Variants in RSRC1 observed in about 807,000 individuals in gnomAD.
RSRC1 encodes the protein serine/Arginine-related protein 53.
RSRC1 carries 39 observed loss-of-function variants against 49.1 expected under a neutral mutation model. That is an observed-to-expected ratio of 0.79 (90% CI 0.61 to 1.04). RSRC1 has a LOEUF of 1.04. Among genes scored for constraint, RSRC1 ranks in the 50% least tolerant of loss-of-function variants. The probability of loss-of-function intolerance (pLI) is 0.00; values close to 1 mark genes in which losing one functional copy is unlikely to be tolerated. For missense variants in RSRC1, 388 were observed against 402.4 expected (o/e 0.96, Z 0.31); for synonymous variants, 143 against 130.8 (o/e 1.09, Z -0.63).
At position 158,457,045 on chromosome 3, in the gene RSRC1, C is replaced by T. The variant is rs533429800; in HGVS notation, c.584-3890C>T. On this transcript the variant is annotated intron_variant, in intron 6 of 9. Coordinates refer to ENST00000611884, the MANE Select transcript of RSRC1 (RefSeq NM_001271838.2). Reference sequence around the variant, plus strand: ...ATTTATTTATTTAACAATTATTGAACATATCTGTGTCCTAAATACTGTGCT... The same window carrying T: ...ATTTATTTATTTAACAATTATTGAATATATCTGTGTCCTAAATACTGTGCT... Among the ~76,000 whole-genome samples the T allele has an allele frequency of 2.0e-5, 3 of 152,162 alleles. No homozygotes were observed. In the East Asian group the frequency reaches 5.8e-4, roughly 29 times the overall value.
chr3:158,231,191 T>G (rs944054530), intron 4 of RSRC1, among the ~76,000 whole-genome samples: 1 of 132,292 alleles, frequency 7.6e-6, no homozygotes, highest in Admixed American at 8.8e-5. Flanking sequence ...TCACCCAGTC[T>G]GGAATGCAGT....
At position 158,265,699 on chromosome 3, in the gene RSRC1, C is replaced by T. The variant is rs113994478; in HGVS notation, c.495-32340C>T. The stretch of plus-strand genomic sequence containing the variant: ...GGAACAAAAGCTATGACTTTTTTTC[C>T]GCCACTTGTAAGCTAACAATTTAAA... On this transcript the variant is annotated intron_variant, in intron 4 of 9. Coordinates refer to ENST00000611884, the MANE Select transcript of RSRC1 (RefSeq NM_001271838.2). 5.2e-3 allele frequency among the ~76,000 whole-genome samples: 795 copies of T among 151,838 alleles called. 7 individuals are homozygous for T. The highest frequency in any genetic ancestry group is 0.018 in the African/African-American group (744 of 41,434).
At chr3:158,282,243 A>G (rs772509691) in intron 4 of RSRC1, among the ~76,000 whole-genome samples, 16 of 152,338 alleles carry the variant, frequency 1.1e-4, no homozygotes, top group Admixed American at 2.6e-4. Context: ...GGAGTTTTCT[A>G]TAAGGGCAAT....
chr3:158,308,051 T>C (rs1316716949), intron 5 of RSRC1, among the ~76,000 whole-genome samples: 2 of 151,998 alleles, frequency 1.3e-5, no homozygotes, highest in East Asian at 3.8e-4. Flanking sequence ...GTAATATTTG[T>C]TCCATAATTT....
intron 7 of RSRC1, among the ~76,000 whole-genome samples, chr3:158,499,437 T>C (rs918446917): frequency 1.3e-5 from 2 of 151,948 alleles, no homozygotes; most frequent in African/African-American, 4.8e-5. Context: ...GGTATTTTGA[T>C]GGGGATTGCA....
At chr3:158,128,049 G>A (rs1715749168) in intron 3 of RSRC1, among the ~76,000 whole-genome samples, 1 of 152,150 alleles carries the variant, frequency 6.6e-6, no homozygotes, top group African/African-American at 2.4e-5. Context: ...CCCAGTCTCT[G>A]TCTTTGGTAC....
chr3:158,347,694 T>C lies in RSRC1; in HGVS notation c.532-7163T>C, dbSNP rs1730631775. 1.3e-5 allele frequency among the ~76,000 whole-genome samples: 2 copies of C among 152,004 alleles called. 1 individual carries two copies. Among genetic ancestry groups the C allele is most frequent in the South Asian group, 4.2e-4 (2 of 4,814 alleles). On this transcript the variant is annotated intron_variant, in intron 5 of 9. Coordinates refer to ENST00000611884, the MANE Select transcript of RSRC1 (RefSeq NM_001271838.2). ...CCAAATACTTGGGACTACAGGCTTG[T>C]ATGTGTAGTGCAACTAATGGCTGAC...
intron 4 of RSRC1, among the ~76,000 whole-genome samples, chr3:158,210,475 C>CA (rs201555187): frequency 0.031 from 1,848 of 58,872 alleles, 22 homozygotes; most frequent in African/African-American, 0.065. Context: ...TTATAGCATG[C>CA]AAAAAAAAAA....
intron 7 of RSRC1, among the ~76,000 whole-genome samples, chr3:158,478,390 T>C (rs1029385340): frequency 2.0e-5 from 3 of 152,010 alleles, no homozygotes; most frequent in African/African-American, 7.2e-5. Context: ...TTTGTAGAGA[T>C]AGTAGAGAGT....
At chr3:158,381,648 G>C (rs1308070333) in intron 6 of RSRC1, among the ~76,000 whole-genome samples, 1 of 152,178 alleles carries the variant, frequency 6.6e-6, no homozygotes, top group Admixed American at 6.5e-5. Context: ...GGTATAGTCT[G>C]TTGCTCCTAG....
chr3:158,343,562 T>C (rs1178787951), intron 5 of RSRC1, among the ~76,000 whole-genome samples: 1 of 152,232 alleles, frequency 6.6e-6, no homozygotes, highest in Non-Finnish European at 1.5e-5. Flanking sequence ...TTATTATAAC[T>C]GTATTGCACC....
intron 5 of RSRC1, among the ~76,000 whole-genome samples, chr3:158,299,038 T>G (rs1274112207): frequency 1.3e-5 from 2 of 152,128 alleles, no homozygotes; most frequent in African/African-American, 4.8e-5. Context: ...TTAAAAGTGA[T>G]CCTAAAAATT....
At chr3:158,269,352 G>A (rs1725376994) in intron 4 of RSRC1, among the ~76,000 whole-genome samples, 1 of 152,108 alleles carries the variant, frequency 6.6e-6, no homozygotes, top group Non-Finnish European at 1.5e-5. Context: ...TATGGTGTAT[G>A]ATATATGAGA....
At chr3:158,518,782 T>A (rs541640190) in intron 7 of RSRC1, among the ~76,000 whole-genome samples, 1 of 152,280 alleles carries the variant, frequency 6.6e-6, no homozygotes, top group African/African-American at 2.4e-5. Flanking sequence ...GGAAACACCC[T>A]CTTTTTCAGT....
intron 7 of RSRC1, among the ~76,000 whole-genome samples, chr3:158,519,156 T>C (rs1463496030): frequency 6.6e-6 from 1 of 152,154 alleles, no homozygotes; most frequent in Non-Finnish European, 1.5e-5. Context: ...AAATCAGCCT[T>C]TATTTTCATA....
intron 6 of RSRC1, among the ~76,000 whole-genome samples, chr3:158,454,694 A>T (rs1040974221): frequency 6.6e-6 from 1 of 152,038 alleles, no homozygotes; most frequent in Admixed American, 6.6e-5. Flanking sequence ...TTATGGTGTT[A>T]TTGTTGTTTG....
At chr3:158,460,513 C>G (rs1266311076) in intron 6 of RSRC1, among the ~76,000 whole-genome samples, 1 of 151,830 alleles carries the variant, frequency 6.6e-6, no homozygotes, top group Non-Finnish European at 1.5e-5. Context: ...AGTATGCTAC[C>G]TAATTTGATA....
chr3:158,475,097 A>AT, intron 7 of RSRC1, among the ~76,000 whole-genome samples: 1 of 151,566 alleles, frequency 6.6e-6, no homozygotes, highest in South Asian at 2.1e-4. Context: ...TTTATTTTTT[A>AT]TTTTTTTGTA....
At chr3:158,543,288 CTCTAAT>C (rs1560081480) in intron 8 of RSRC1, 41 bp from the exon 9 acceptor site, 1 of 1,408,214 alleles carries the variant, frequency 7.1e-7, no homozygotes, top group East Asian at 2.7e-5. Context: ...TGAAGTAAAA[CTCTAAT>C]TGTGTATTGT....
Sources: gnomAD v4.1 joint callset for allele counts (sites outside exome capture counted in the v4.1 genomes callset) on GRCh38, gnomAD v4.1.1 for gene constraint, MANE v1.5 for transcripts, NCBI Gene and HGNC (gene_info 2026-07-23, HGNC 2026-07-21) for gene names.